The following NEURL1 variants were observed in gnomAD, a reference collection of about 807,000 sequenced individuals.
NEURL1 encodes neuralized E3 ubiquitin protein ligase 1, also known as E3 ubiquitin-protein ligase NEURL1.
Under a neutral mutation model 41.2 loss-of-function variants are expected in NEURL1, and 26 were observed. The observed-to-expected ratio is 0.63, with a 90% confidence interval of 0.46 to 0.87. The LOEUF is 0.87. NEURL1 is among the 40% of genes least tolerant of loss of function. The probability of loss-of-function intolerance (pLI) is 0.00; values close to 1 mark genes in which losing one functional copy is unlikely to be tolerated. For missense variants in NEURL1, 761 were observed against 871.1 expected (o/e 0.87, Z 1.59); for synonymous variants, 400 against 402.3 (o/e 0.99, Z 0.07).
rs147165775 is a variant in NEURL1 at position 103,512,688 on chromosome 10, C to T, written c.85+18216C>T. On this transcript the variant is annotated intron_variant, in intron 1 of 5. Coordinates refer to ENST00000369780, the MANE Select transcript of NEURL1 (RefSeq NM_004210.5). ...GCTGCTCGGCAGTTTCCCCAGCGCC[C>T]GCAGGGTTGGGCTGGGCTCAAGGGC... 1.0e-2 allele frequency among the ~76,000 whole-genome samples: 1,515 copies of T among 152,182 alleles called. 27 individuals are homozygous for T. The highest frequency in any genetic ancestry group is 0.035 in the African/African-American group (1,444 of 41,518).
chr10:103,523,454 T>TA (rs2034397259), intron 1 of NEURL1, among the ~76,000 whole-genome samples: 2 of 146,436 alleles, frequency 1.4e-5, no homozygotes, highest in African/African-American at 5.2e-5. Flanking sequence ...AGACCTTGTC[T>TA]CAAAAAAAAA....
chr10:103,545,111 C>T lies in NEURL1; in HGVS notation c.86-25761C>T, dbSNP rs187334111. Reference sequence around the variant, plus strand: ...AAAGGAAGGCGGCGGCAATGAGCCACGGATGAATGTGCAAATTGTGAGATG... The same window carrying T: ...AAAGGAAGGCGGCGGCAATGAGCCATGGATGAATGTGCAAATTGTGAGATG... On this transcript the variant is annotated intron_variant, in intron 1 of 5. Transcript: ENST00000369780. The surrounding 1 kb of genome is among the most constrained non-coding windows in gnomAD (Gnocchi z 4.5). Among the ~76,000 whole-genome samples the T allele has an allele frequency of 1.0e-3, 154 of 152,338 alleles. No individual in the cohort carries two copies. Among genetic ancestry groups the T allele is most frequent in the African/African-American group, 3.5e-3 (145 of 41,570 alleles).
In NEURL1 at chr10:103,533,787, T is replaced by G. The variant is rs7068147; in HGVS notation, c.86-37085T>G. On this transcript the variant is annotated intron_variant, in intron 1 of 5. Coordinates refer to ENST00000369780, the MANE Select transcript of NEURL1 (RefSeq NM_004210.5). Reference sequence around the variant, plus strand: ...TGCTGACCTTCTGATCCGCCCGCCTTGGCCTCCCAAAGTGCTGGGATTACA... The same window carrying G: ...TGCTGACCTTCTGATCCGCCCGCCTGGGCCTCCCAAAGTGCTGGGATTACA... 9.9e-5 allele frequency among the ~76,000 whole-genome samples: 15 copies of G among 152,042 alleles called. No individual in the cohort carries two copies. In the East Asian group the frequency reaches 2.9e-3, roughly 30 times the overall value.
intron 1 of NEURL1, among the ~76,000 whole-genome samples, chr10:103,554,912 C>G (rs542671450): frequency 2.0e-5 from 3 of 152,304 alleles, no homozygotes; most frequent in African/African-American, 7.2e-5. Context: ...GGCTGTCGGC[C>G]TGGGCGTTCA....
intron 5 of NEURL1, 82 bp downstream of exon 5, chr10:103,589,742 T>A (rs549002979): frequency 2.4e-5 from 37 of 1,517,832 alleles, no homozygotes; most frequent in African/African-American, 4.2e-5. Context: ...GGGCTGGGAG[T>A]GGAGAGGAGC....
chr10:103,571,086 C>T lies in NEURL1; in HGVS notation c.300C>T (p.Val100=). 2 of 1,613,704 alleles carry T rather than the reference C, an allele frequency of 1.2e-6. No individual in the cohort carries two copies. The highest frequency in any genetic ancestry group is 1.7e-6 in the Non-Finnish European group (2 of 1,179,990). Residue 100 remains valine, a synonymous_variant, in exon 2 of 6, where the codon GTC becomes GTT. Transcript: ENST00000369780. ...CNAITFSNRP[V]LIYEQVRLKI... ...CCATCACCTTCAGCAACCGCCCGGT[C>T]CTCATCTACGAGCAAGTCAGGCTGA...
At position 103,555,195 on chromosome 10, in the gene NEURL1, C is replaced by T. The variant is rs939774306; in HGVS notation, c.86-15677C>T. ...TGGCCGGCTGGCCGCGGGCGGGCGG[C>T]GTGCGCGTGTGCCGGAGGGGGCGCG... On this transcript the variant is annotated intron_variant, in intron 1 of 5. Transcript: ENST00000369780. The T allele has an allele frequency of 3.4e-4, 183 of 537,570 alleles. 1 individual carries two copies. The African/African-American group carries it at 3.8e-3, about 11-fold the overall frequency. 33.3% of individuals were successfully genotyped at this position (537,570 alleles called of 1,614,324 possible).
chr10:103,565,085 G>C (rs1300115004), intron 1 of NEURL1, among the ~76,000 whole-genome samples: 1 of 152,180 alleles, frequency 6.6e-6, no homozygotes, highest in African/African-American at 2.4e-5. Flanking sequence ...GTGGACAGGA[G>C]AGGACAGAAC....
intron 1 of NEURL1, among the ~76,000 whole-genome samples, chr10:103,513,247 A>T (rs2034116168): frequency 6.6e-6 from 1 of 152,074 alleles, no homozygotes; most frequent in Admixed American, 6.5e-5. Flanking sequence ...AAGCAGGCAC[A>T]TTTTCATTTT....
intron 1 of NEURL1, among the ~76,000 whole-genome samples, chr10:103,518,992 C>T (rs1415405926): frequency 1.3e-5 from 2 of 152,214 alleles, no homozygotes; most frequent in Non-Finnish European, 1.5e-5. Flanking sequence ...TGCCTATAAT[C>T]CCAGCACTTT....
At chr10:103,529,500 A>G (rs1401798187) in intron 1 of NEURL1, among the ~76,000 whole-genome samples, 1 of 152,224 alleles carries the variant, frequency 6.6e-6, no homozygotes, top group East Asian at 1.9e-4. Flanking sequence ...AGGGGCTTTT[A>G]TTCCTTAAAG....
chr10:103,513,952 A>T (rs1592186107), intron 1 of NEURL1, among the ~76,000 whole-genome samples: 1 of 151,950 alleles, frequency 6.6e-6, no homozygotes, highest in African/African-American at 2.4e-5. Flanking sequence ...GGGGAGCTGG[A>T]TCCGGCCCTG....
At position 103,566,144 on chromosome 10, in the gene NEURL1, C is replaced by T. The variant is rs1287967723; in HGVS notation, c.86-4728C>T. Among the ~76,000 whole-genome samples, 4 of 151,952 alleles carry T rather than the reference C, an allele frequency of 2.6e-5. No homozygotes were observed. In the East Asian group the frequency reaches 5.8e-4, roughly 22 times the overall value. ...ATGCTCTGTCACCCAGGCTGAAGTG[C>T]AGTGGTGCTATCATAGCTCACTGCA... On this transcript the variant is annotated intron_variant, in intron 1 of 5. Transcript: ENST00000369780. This position sits in a 1 kb window ranked among gnomAD's most constrained non-coding sequence, Gnocchi z 4.2.
Position 103,570,696 on chromosome 10 carries a change from T to TG in NEURL1, c.86-173dup, listed in dbSNP as rs370241639. On this transcript the variant is annotated intron_variant, in intron 1 of 5. Transcript: ENST00000369780. The stretch of plus-strand genomic sequence containing the variant: ...TAGAGCATGGTGGCAGATGGTGGAG[T>TG]GGGAGATGGTGAGAGATGGTGGCAG... Among the ~76,000 whole-genome samples the TG allele has an allele frequency of 4.5e-4, 68 of 149,742 alleles. No homozygotes were observed. The South Asian group carries it at 0.013, about 29-fold the overall frequency.
intron 1 of NEURL1, among the ~76,000 whole-genome samples, chr10:103,520,220 C>T (rs145962500): frequency 6.7e-4 from 102 of 152,262 alleles, no homozygotes; most frequent in African/African-American, 2.2e-3. Context: ...CACGTACGTC[C>T]GTGTGAAGAG....
intron 3 of NEURL1, among the ~76,000 whole-genome samples, chr10:103,583,448 G>C (rs2035825887): frequency 6.6e-6 from 1 of 151,992 alleles, no homozygotes; most frequent in African/African-American, 2.4e-5. Flanking sequence ...GGGTGTGGTG[G>C]CTCACACTTC....
chr10:103,583,549 T>C (rs1385709188), intron 3 of NEURL1, among the ~76,000 whole-genome samples: 1 of 151,398 alleles, frequency 6.6e-6, no homozygotes, highest in African/African-American at 2.4e-5. Context: ...ATACCGTCTC[T>C]ACCCCAAAAA....
At chr10:103,549,789 G>A (rs552247665) in intron 1 of NEURL1, among the ~76,000 whole-genome samples, 2 of 152,124 alleles carry the variant, frequency 1.3e-5, no homozygotes, top group Non-Finnish European at 2.9e-5. Flanking sequence ...CCCTTGTCCA[G>A]TGTTGTCTTC....
At chr10:103,505,234 T>TTC (rs2033921225) in intron 1 of NEURL1, among the ~76,000 whole-genome samples, 1 of 150,430 alleles carries the variant, frequency 6.6e-6, no homozygotes, top group Non-Finnish European at 1.5e-5. Context: ...TTTTTTTTTT[T>TTC]TTTTTGGTAG....
Sources: allele counts gnomAD v4.1 joint callset (sites outside exome capture counted in the v4.1 genomes callset), GRCh38; gene constraint gnomAD v4.1.1; non-coding constraint Gnocchi (gnomAD v3.1); transcripts MANE v1.5; gene names NCBI Gene and HGNC (gene_info 2026-07-23, HGNC 2026-07-21).